The following MDFIC2 variants were observed in gnomAD, a reference collection of about 807,000 sequenced individuals.
MDFIC2 encodes the protein myoD family inhibitor domain-containing protein 2.
intron 3 of MDFIC2, chr3:70,204,454 T>A (rs1701270584): frequency 6.6e-6 from 1 of 152,178 alleles, no homozygotes; most frequent in Admixed American, 6.6e-5. Context: ...GGGTCTTAGG[T>A]TGGCTTCTTT....
At chr3:70,305,200 A>G (rs1345554175) in intron 2 of MDFIC2, among the ~76,000 whole-genome samples, 2 of 152,218 alleles carry the variant, frequency 1.3e-5, no homozygotes, top group Non-Finnish European at 2.9e-5. Context: ...TATATGACTT[A>G]CAAGGGCATA....
At chr3:70,218,448 G>C (rs553846060) in intron 2 of MDFIC2, among the ~76,000 whole-genome samples, 2 of 152,082 alleles carry the variant, frequency 1.3e-5, no homozygotes, top group Non-Finnish European at 2.9e-5. Context: ...CTGAGTAATA[G>C]ACTGAGGTCA....
chr3:70,205,060 G>A (rs980912107), intron 3 of MDFIC2: 1 of 152,106 alleles, frequency 6.6e-6, no homozygotes, highest in African/African-American at 2.4e-5. Context: ...GTCATAATCT[G>A]ATAGCTACAG....
intron 2 of MDFIC2, among the ~76,000 whole-genome samples, chr3:70,226,107 A>G (rs1202324938): frequency 6.6e-6 from 1 of 152,194 alleles, no homozygotes; most frequent in Non-Finnish European, 1.5e-5. Flanking sequence ...CCCTCAGAAA[A>G]CACATACAAC....
At position 70,195,439 on chromosome 3, in the gene MDFIC2, C is replaced by T. The variant is rs141710715; in HGVS notation, c.*1487G>A. 9.1e-3 allele frequency among the ~76,000 whole-genome samples: 1,391 copies of T among 152,210 alleles called. 17 individuals are homozygous for T. The highest frequency in any genetic ancestry group is 0.032 in the African/African-American group (1,313 of 41,538). On this transcript the variant is annotated 3_prime_UTR_variant, in exon 4 of 4. Transcript: ENST00000567252. ...GAGTGGTTAAATGCCTTTTTAGAGG[C>T]AGTTTACAAATATTTTTAACAGATG...
At chr3:70,210,902 C>A (rs747976132) in intron 2 of MDFIC2, among the ~76,000 whole-genome samples, 1 of 152,068 alleles carries the variant, frequency 6.6e-6, no homozygotes, top group Non-Finnish European at 1.5e-5. Context: ...TACTGTTGAG[C>A]AAATGTTATT....
At position 70,255,070 on chromosome 3, in the gene MDFIC2, G is replaced by C. The variant is rs1189556464; in HGVS notation, c.89-48280C>G. Among the ~76,000 whole-genome samples, 3 of 152,110 alleles carry C rather than the reference G, an allele frequency of 2.0e-5. No individual in the cohort carries two copies. In the East Asian group the frequency reaches 5.8e-4, roughly 29 times the overall value. On this transcript the variant is annotated intron_variant, in intron 2 of 3. Transcript: ENST00000567252. The stretch of plus-strand genomic sequence containing the variant: ...AAATCAGCTTGAGAAAGAGAGAAAC[G>C]CAGGTAAAACCTGTGGAACAATTGA...
chr3:70,236,769 C>CT (rs1210859483), intron 2 of MDFIC2, among the ~76,000 whole-genome samples: 2 of 151,908 alleles, frequency 1.3e-5, no homozygotes, highest in East Asian at 1.9e-4. Context: ...CTAATTAAAA[C>CT]TTTTTTTGTA....
intron 2 of MDFIC2, among the ~76,000 whole-genome samples, chr3:70,209,526 T>C (rs7430257): frequency 0.42 from 63,396 of 151,932 alleles, 14,299 homozygotes; most frequent in Non-Finnish European, 0.5. Context: ...TATGAATGGG[T>C]ATCCCCAGTT....
At chr3:70,272,513 T>A (rs544563070) in intron 2 of MDFIC2, among the ~76,000 whole-genome samples, 94 of 152,376 alleles carry the variant, frequency 6.2e-4, no homozygotes, top group Middle Eastern at 3.4e-3. Flanking sequence ...CCCTGATGGA[T>A]GTTTGGATGT....
rs143377430 is a variant in MDFIC2 at position 70,262,105 on chromosome 3, G to A, written c.88+49781C>T. ...CTTTTCTTTTCTCAAAAGCTGGTGC[G>A]ACAGTATTGCCTTCTATGTGTGTTG... On this transcript the variant is annotated intron_variant, in intron 2 of 3. Transcript: ENST00000567252. Among the ~76,000 whole-genome samples, 53 of 152,228 alleles carry A rather than the reference G, an allele frequency of 3.5e-4. No homozygotes were observed. In the East Asian group the frequency reaches 8.7e-3, roughly 25 times the overall value.
At chr3:70,239,021 C>A (rs1012871950) in intron 2 of MDFIC2, among the ~76,000 whole-genome samples, 10 of 151,928 alleles carry the variant, frequency 6.6e-5, no homozygotes, top group Non-Finnish European at 1.5e-4. Context: ...TGAAGGTATG[C>A]CAAAAATGAT....
At chr3:70,217,366 G>T (rs1337750639) in intron 2 of MDFIC2, among the ~76,000 whole-genome samples, 1 of 152,058 alleles carries the variant, frequency 6.6e-6, no homozygotes, top group Non-Finnish European at 1.5e-5. Context: ...TGTGTAGGTT[G>T]AATTAATAGA....
chr3:70,273,306 T>C (rs893737537), intron 2 of MDFIC2, among the ~76,000 whole-genome samples: 7 of 152,222 alleles, frequency 4.6e-5, no homozygotes, highest in African/African-American at 1.7e-4. Context: ...AAGACTACTC[T>C]AAGGAAAATA....
chr3:70,236,105 G>T (rs1350936496), intron 2 of MDFIC2, among the ~76,000 whole-genome samples: 2 of 152,084 alleles, frequency 1.3e-5, no homozygotes, highest in Non-Finnish European at 2.9e-5. Context: ...TCTTTCCCTT[G>T]CTAACCTAAC....
At chr3:70,234,005 T>C (rs956473163) in intron 2 of MDFIC2, among the ~76,000 whole-genome samples, 1 of 152,200 alleles carries the variant, frequency 6.6e-6, no homozygotes, top group African/African-American at 2.4e-5. Flanking sequence ...AGGAGTAAAA[T>C]GCTGAGTCAT....
intron 2 of MDFIC2, among the ~76,000 whole-genome samples, chr3:70,282,511 C>T (rs546209615): frequency 2.0e-5 from 3 of 152,308 alleles, no homozygotes; most frequent in South Asian, 4.1e-4. Flanking sequence ...GGTTTTAGCT[C>T]TTATCACTCA....
intron 2 of MDFIC2, among the ~76,000 whole-genome samples, chr3:70,224,325 G>A (rs917500545): frequency 3.3e-5 from 5 of 152,196 alleles, no homozygotes; most frequent in African/African-American, 9.6e-5. Context: ...TACATTTGGA[G>A]AGATGACTCC....
At chr3:70,305,562 T>A (rs1167480021) in intron 2 of MDFIC2, among the ~76,000 whole-genome samples, 1 of 152,230 alleles carries the variant, frequency 6.6e-6, no homozygotes, top group African/African-American at 2.4e-5. Context: ...ATGAGTTCCT[T>A]GAGGGCAGGA....
Sources: allele counts gnomAD v4.1 joint callset (sites outside exome capture counted in the v4.1 genomes callset), GRCh38; gene constraint gnomAD v4.1.1; transcripts MANE v1.5; gene names NCBI Gene and HGNC (gene_info 2026-07-23, HGNC 2026-07-21).